SCLY: variants seen among roughly 807,000 people sequenced by gnomAD.
The protein encoded by SCLY is putative selenocysteine lyase.
Under a neutral mutation model 50.1 loss-of-function variants are expected in SCLY, and 38 were observed. The observed-to-expected ratio is 0.76, with a 90% CI of 0.59 to 0.99. The LOEUF (loss-of-function observed/expected upper bound fraction) is 0.99. Among genes scored for constraint, SCLY ranks in the 50% least tolerant of loss-of-function variants. The probability of loss-of-function intolerance (pLI) is 0.00; values close to 1 mark genes in which losing one functional copy is unlikely to be tolerated. For synonymous variants in SCLY, 243 were observed against 249.4 expected (o/e 0.97, Z 0.24); for missense variants, 600 against 620.0 (o/e 0.97, Z 0.34).
chr2:238,064,224 G>T, intron 1 of SCLY, 133 bp from the exon 2 acceptor site: 1 of 475,890 alleles, frequency 2.1e-6, no homozygotes, highest in Non-Finnish European at 3.7e-6. Flanking sequence ...GTGGATGCCT[G>T]CAGTGCTTAT....
At position 238,069,980 on chromosome 2, in the gene SCLY, C is replaced by G. The variant is rs995505094; in HGVS notation, c.484+503C>G. 6.6e-6 allele frequency: 1 copy of G among 152,426 alleles called. No individual in the cohort carries two copies. Among genetic ancestry groups the G allele is most frequent in the African/African-American group, 2.4e-5 (1 of 41,452 alleles). The allele number at this position is 152,426 out of a possible 1,614,324, so 9.4% of individuals were successfully genotyped here. A position where few individuals can be genotyped will look rare whatever the true frequency, so the allele number is the denominator to read the frequency against. Reference sequence around the variant, plus strand: ...GTGAAGCCTGGAATAAGCGAGCTGCCGCACCTGATCTCAGCACCCATGACG... The same window carrying G: ...GTGAAGCCTGGAATAAGCGAGCTGCGGCACCTGATCTCAGCACCCATGACG... On this transcript the variant is annotated intron_variant, in intron 4 of 11. Transcript: ENST00000254663. This position sits in a 1 kb window ranked among gnomAD's most constrained non-coding sequence, Gnocchi z 5.0.
In SCLY at chr2:238,066,241, C is replaced by T. The variant is rs746394839; in HGVS notation, c.202+1772C>T. ...AAGATAGCTGGCGCTCATACCTCCC[C>T]GTCCAGCCCACTGCAGTCACATCAT... On this transcript the variant is annotated intron_variant, in intron 2 of 11. Transcript: ENST00000254663. This position sits in a 1 kb window ranked among gnomAD's most constrained non-coding sequence, Gnocchi z 4.1. 8.5e-5 allele frequency among the ~76,000 whole-genome samples: 13 copies of T among 152,218 alleles called. No homozygotes were observed. The highest frequency in any genetic ancestry group is 1.2e-4 in the African/African-American group (5 of 41,442).
At chr2:238,064,615 C>G in intron 2 of SCLY, 146 bp downstream of exon 2, 1 of 507,926 alleles carries the variant, frequency 2.0e-6, no homozygotes, top group Non-Finnish European at 3.5e-6. Context: ...TTGATAGTTT[C>G]TTTTCTGGGA....
chr2:238,092,308 TCCTAA>T (rs971627720), intron 8 of SCLY: 1 of 152,294 alleles, frequency 6.6e-6, no homozygotes, highest in Non-Finnish European at 1.5e-5. Flanking sequence ...GGTCTCGAAC[TCCTAA>T]CCTCAGGTGA....
intron 2 of SCLY, 25 bp downstream of exon 2, chr2:238,064,494 C>A: frequency 6.5e-7 from 1 of 1,529,660 alleles, no homozygotes; most frequent in South Asian, 1.2e-5. Context: ...TGCACGTGTT[C>A]ACTGATGGGA....
In SCLY at chr2:238,096,788, T is replaced by C. The variant is rs775715218; in HGVS notation, c.1109-13T>C. 2.5e-5 allele frequency: 40 copies of C among 1,604,632 alleles called. No homozygotes were observed. The highest frequency in any genetic ancestry group is 3.1e-5 in the Non-Finnish European group (37 of 1,176,192). On this transcript the variant is annotated splice_polypyrimidine_tract_variant and intron_variant, in intron 10 of 11. Transcript: ENST00000254663. ...GGAGCCCCATCTCAGGGGCATGTGCTCTGTCTCCGCAGGCCACGTGGTGCT... is the reference window on the plus strand; with the variant it reads ...GGAGCCCCATCTCAGGGGCATGTGCCCTGTCTCCGCAGGCCACGTGGTGCT...
At position 238,082,107 on chromosome 2, in the gene SCLY, A is replaced by G. The variant is rs1412679575; in HGVS notation, c.675A>G (p.Leu225=). ...ALNQERVAAG[L]PPILVHTDAA... ...ACCAGGAACGGGTGGCAGCTGGGCT[A>G]CCTCCCATCCTCGTGCACACGGATG... Residue 225 remains leucine, a synonymous_variant, in exon 6 of 12, where the codon CTA becomes CTG. Transcript: ENST00000254663. 2.5e-6 allele frequency: 4 copies of G among 1,613,524 alleles called. No individual in the cohort carries two copies. The highest frequency in any genetic ancestry group is 2.2e-5 in the South Asian group (2 of 91,048).
rs1453877708 is a variant in SCLY at position 238,083,760 on chromosome 2, A to G, written c.884+406A>G. Among the ~76,000 whole-genome samples the G allele has an allele frequency of 1.3e-5, 2 of 152,192 alleles. No homozygotes were observed. The highest frequency in any genetic ancestry group is 2.9e-5 in the Non-Finnish European group (2 of 68,038). On this transcript the variant is annotated intron_variant, in intron 7 of 11. Coordinates refer to ENST00000254663, the MANE Select transcript of SCLY (RefSeq NM_016510.7). The surrounding 1 kb of genome is among the most constrained non-coding windows in gnomAD (Gnocchi z 4.3). ...TCCTGTGTCCCCTCTATGTATAGTG[A>G]CGTGTTAACTGGGAAATTAGTTGTT...
intron 4 of SCLY, among the ~76,000 whole-genome samples, chr2:238,077,310 T>G (rs1215939195): frequency 6.6e-6 from 1 of 152,258 alleles, no homozygotes; most frequent in Non-Finnish European, 1.5e-5. Flanking sequence ...ATTCCAACTG[T>G]CTTATGGTTG....
Position 238,082,067 on chromosome 2 carries a change from G to T in SCLY, c.635G>T (p.Arg212Leu). The T allele has an allele frequency of 6.2e-7, 1 of 1,613,808 alleles. No homozygotes were observed. The highest frequency in any genetic ancestry group is 1.1e-5 in the South Asian group (1 of 91,064). Residue 212 changes from arginine to leucine, a missense_variant, in exon 6 of 12, where the codon CGC becomes CTC. Physicochemically the swap from Arg to Leu is moderately radical, Grantham distance 102 (BLOSUM62 -2). Coordinates refer to ENST00000254663, the MANE Select transcript of SCLY (RefSeq NM_016510.7). ...CAGCCTGTCCCTGAAATCAGTCAGC[G>T]CATTAAAGCCCTGAACCAGGAACGG... is the stretch of plus-strand genomic sequence containing the variant. ...IVMPVPEISQRIKALNQERVA... is the reference protein window; with the variant it reads ...IVMPVPEISQLIKALNQERVA...
At position 238,098,619 on chromosome 2, in the gene SCLY, G is replaced by GGGACCGCCCACATA. The variant is rs1559254658; in HGVS notation, c.*277_*278insAGGACCGCCCACAT. 75 of 208,772 alleles carry GGGACCGCCCACATA rather than the reference G, an allele frequency of 3.6e-4. 5 individuals are homozygous for GGGACCGCCCACATA. Among genetic ancestry groups the GGGACCGCCCACATA allele is most frequent in the African/African-American group, 1.8e-3 (43 of 23,334 alleles). 12.9% of individuals were successfully genotyped at this position (208,772 alleles called of 1,614,324 possible). A position where few individuals can be genotyped will look rare whatever the true frequency, so the allele number is the denominator to read the frequency against. ...ACCGCCCACATAGGACCGCCCACAT[G>GGGACCGCCCACATA]GGACCGCCCACATGGGACCGCCCAC... On this transcript the variant is annotated 3_prime_UTR_variant, in exon 12 of 12. Coordinates refer to ENST00000254663, the MANE Select transcript of SCLY (RefSeq NM_016510.7).
chr2:238,097,295 A>G (rs978005522), intron 11 of SCLY, among the ~76,000 whole-genome samples: 2 of 152,202 alleles, frequency 1.3e-5, no homozygotes, highest in African/African-American at 4.8e-5. Flanking sequence ...TGCAAGATGC[A>G]GCAGAGATTC....
rs1379332679 is a variant in SCLY at position 238,083,097 on chromosome 2, C to G, written c.778-151C>G. ...CGAAGGCTTTTGTGACTCTGCGTGT[C>G]AAAAGGGGTGGCACTCAGAGGCGCC... On this transcript the variant is annotated intron_variant, in intron 6 of 11. Coordinates refer to ENST00000254663, the MANE Select transcript of SCLY (RefSeq NM_016510.7). This position sits in a 1 kb window ranked among gnomAD's most constrained non-coding sequence, Gnocchi z 4.3. The G allele has an allele frequency of 2.8e-6, 2 of 718,520 alleles. No individual in the cohort carries two copies. Among genetic ancestry groups the G allele is most frequent in the Admixed American group, 2.0e-5 (1 of 49,666 alleles). 44.5% of individuals were successfully genotyped at this position (718,520 alleles called of 1,614,324 possible).
chr2:238,093,142 G>A (rs1027585561), intron 8 of SCLY: 1 of 152,664 alleles, frequency 6.6e-6, no homozygotes, highest in African/African-American at 2.4e-5. Flanking sequence ...TGTCTGTCTG[G>A]ATTCCAGAAT....
chr2:238,088,832 A>C (rs2065329260), intron 7 of SCLY, among the ~76,000 whole-genome samples: 1 of 152,216 alleles, frequency 6.6e-6, no homozygotes, highest in African/African-American at 2.4e-5. Flanking sequence ...TGAAAGCCTG[A>C]ATGTTTTACT....
At chr2:238,082,505 A>G (rs2065248860) in intron 6 of SCLY, among the ~76,000 whole-genome samples, 1 of 152,204 alleles carries the variant, frequency 6.6e-6, no homozygotes, top group Non-Finnish European at 1.5e-5. Flanking sequence ...AGAGTAAGGC[A>G]GGGGGTTCGG....
chr2:238,094,589 C>T (rs763942093), intron 10 of SCLY, 67 bp downstream of exon 10: 32 of 1,337,740 alleles, frequency 2.4e-5, no homozygotes, highest in Non-Finnish European at 3.1e-5. Flanking sequence ...GATTCTGGTC[C>T]GAGCCAGTGA....
chr2:238,063,188 G>T (rs756682265), intron 1 of SCLY, among the ~76,000 whole-genome samples: 17 of 152,074 alleles, frequency 1.1e-4, no homozygotes, highest in Non-Finnish European at 2.2e-4. Context: ...GGCGGGAAGG[G>T]GACCTGGAGG....
chr2:238,080,958 C>T (rs1052486814), intron 4 of SCLY: 4 of 152,214 alleles, frequency 2.6e-5, no homozygotes, highest in African/African-American at 9.7e-5. Flanking sequence ...CACATACCCC[C>T]TCCCACCCCC....
Sources: allele counts gnomAD v4.1 joint callset (sites outside exome capture counted in the v4.1 genomes callset), GRCh38; gene constraint gnomAD v4.1.1; non-coding constraint Gnocchi (gnomAD v3.1); transcripts MANE v1.5; gene names NCBI Gene and HGNC (gene_info 2026-07-23, HGNC 2026-07-21).